KCNMA1: variants seen among roughly 807,000 people sequenced by gnomAD.
KCNMA1 encodes the protein Calcium-activated potassium channel subunit alpha-1.
Under a neutral mutation model 140.0 loss-of-function variants are expected in KCNMA1, and 29 were observed. The observed-to-expected ratio is 0.21, with a 90% CI of 0.15 to 0.28. The LOEUF is 0.28. KCNMA1 is among the 10% of genes least tolerant of loss of function. The probability of loss-of-function intolerance (pLI) is 1.00; values close to 1 mark genes in which losing one functional copy is unlikely to be tolerated. For missense variants in KCNMA1, 880 were observed against 1,602.2 expected (o/e 0.55, Z 7.70); for synonymous variants, 612 against 611.9 (o/e 1.00, Z 0.00).
intron 2 of KCNMA1, among the ~76,000 whole-genome samples, chr10:77,284,576 C>T (rs893215592): frequency 1.3e-5 from 2 of 152,016 alleles, no homozygotes; most frequent in Non-Finnish European, 2.9e-5. Context: ...TGCAGTGGCA[C>T]GATCTCGACT....
intron 1 of KCNMA1, among the ~76,000 whole-genome samples, chr10:77,511,756 T>TC (rs2048496271): frequency 6.6e-6 from 1 of 152,158 alleles, no homozygotes; most frequent in African/African-American, 2.4e-5. Context: ...GACTATACAG[T>TC]CGTCCCTGTC....
In KCNMA1 at chr10:76,891,719, T is replaced by C. The variant is rs2040120292; in HGVS notation, c.3148A>G (p.Thr1050Ala). The C allele has an allele frequency of 6.2e-7, 1 of 1,613,320 alleles. No individual in the cohort carries two copies. The highest frequency in any genetic ancestry group is 8.5e-7 in the Non-Finnish European group (1 of 1,179,722). Residue 1050 changes from threonine to alanine, a missense_variant and splice_region_variant, in exon 26 of 28, where the codon ACG becomes GCG. Thr to Ala is a moderately conservative substitution (Grantham distance 58). Transcript: ENST00000286628. ...VSVLDSLMSA[T>A]YFNDNILTLI... ...GTGAGGATATTGTCATTGAAGTACG[T>C]CTGGGGAAGGAGAGAAAGTGAGGGA...
At chr10:77,077,077 A>G (rs1451211735) in intron 13 of KCNMA1, among the ~76,000 whole-genome samples, 1 of 152,218 alleles carries the variant, frequency 6.6e-6, no homozygotes. Context: ...GAGGAAGAAA[A>G]TGTATTGAAA....
chr10:76,924,998 C>T (rs2057239729), intron 23 of KCNMA1, among the ~76,000 whole-genome samples: 1 of 152,156 alleles, frequency 6.6e-6, no homozygotes, highest in Non-Finnish European at 1.5e-5. Flanking sequence ...CCCCTCTTCC[C>T]TCCCAACCCA....
At chr10:77,127,690 A>G (rs2097771899) in intron 5 of KCNMA1, among the ~76,000 whole-genome samples, 1 of 152,036 alleles carries the variant, frequency 6.6e-6, no homozygotes, top group Non-Finnish European at 1.5e-5. Flanking sequence ...TCCCAATTTG[A>G]GGTCGGGCAT....
chr10:77,597,767 G>T (rs1244538686), intron 1 of KCNMA1, among the ~76,000 whole-genome samples: 1 of 151,996 alleles, frequency 6.6e-6, no homozygotes, highest in African/African-American at 2.4e-5. Context: ...CTTACCCTTG[G>T]CCTCAGTGCT....
intron 17 of KCNMA1, chr10:77,012,450 A>T: frequency 6.5e-7 from 1 of 1,550,028 alleles, no homozygotes; most frequent in Non-Finnish European, 8.7e-7. Context: ...TCAAATATAT[A>T]TTTGAGGGGG....
intron 5 of KCNMA1, among the ~76,000 whole-genome samples, chr10:77,126,203 T>G (rs2097729095): frequency 6.6e-6 from 1 of 152,154 alleles, no homozygotes; most frequent in South Asian, 2.1e-4. Flanking sequence ...AATAGAGTTG[T>G]GAAGAAGAAA....
At chr10:77,215,073 C>G (rs573409190) in intron 3 of KCNMA1, among the ~76,000 whole-genome samples, 9 of 152,224 alleles carry the variant, frequency 5.9e-5, no homozygotes, top group East Asian at 5.8e-4. Context: ...CTGAACATAT[C>G]CAAGATGGAA....
chr10:76,886,784 T>G lies in KCNMA1; in HGVS notation c.*482A>C. 27 of 1,029,394 alleles carry G rather than the reference T, an allele frequency of 2.6e-5. No individual in the cohort carries two copies. Among genetic ancestry groups the G allele is most frequent in the Non-Finnish European group, 3.2e-5 (27 of 855,844 alleles). 63.8% of individuals were successfully genotyped at this position (1,029,394 alleles called of 1,614,324 possible). A position where few individuals can be genotyped will look rare whatever the true frequency, so the allele number is the denominator to read the frequency against. On this transcript the variant is annotated 3_prime_UTR_variant, in exon 28 of 28. Coordinates refer to ENST00000286628, the MANE Select transcript of KCNMA1 (RefSeq NM_001161352.2). ...TATGTTTTCATTGCTGTTTGGTTGC[T>G]TGTTTCAAATAAACATGTGCTAACT...
chr10:77,006,299 A>C (rs540628805), intron 18 of KCNMA1, among the ~76,000 whole-genome samples: 2 of 152,180 alleles, frequency 1.3e-5, no homozygotes, highest in Admixed American at 6.5e-5. Flanking sequence ...AAGAAAAAAA[A>C]CATCTGCCAT....
At chr10:77,143,467 A>G (rs1282357584) in intron 5 of KCNMA1, among the ~76,000 whole-genome samples, 1 of 152,186 alleles carries the variant, frequency 6.6e-6, no homozygotes, top group African/African-American at 2.4e-5. Flanking sequence ...GATTTACAAC[A>G]AAAGCACCAA....
chr10:77,308,755 C>T (rs2078484017), intron 2 of KCNMA1, among the ~76,000 whole-genome samples: 1 of 152,182 alleles, frequency 6.6e-6, no homozygotes. Flanking sequence ...CCTGAGTCTA[C>T]TCTGATGTCT....
intron 2 of KCNMA1, among the ~76,000 whole-genome samples, chr10:77,253,207 C>A (rs957214468): frequency 6.6e-6 from 1 of 152,130 alleles, no homozygotes. Flanking sequence ...AGGGGTGTGG[C>A]CAGAACCCAG....
At chr10:77,397,483 C>T (rs531556546) in intron 2 of KCNMA1, among the ~76,000 whole-genome samples, 12 of 152,286 alleles carry the variant, frequency 7.9e-5, no homozygotes, top group African/African-American at 2.6e-4. Flanking sequence ...GTGTTGGGAA[C>T]ATTCTAATTC....
At chr10:77,262,388 A>G (rs1360669116) in intron 2 of KCNMA1, among the ~76,000 whole-genome samples, 1 of 152,190 alleles carries the variant, frequency 6.6e-6, no homozygotes, top group African/African-American at 2.4e-5. Context: ...AAGTAGAATG[A>G]TGGTTCCTTG....
At chr10:77,549,042 TCA>T (rs2062101988) in intron 1 of KCNMA1, among the ~76,000 whole-genome samples, 1 of 152,216 alleles carries the variant, frequency 6.6e-6, no homozygotes, top group East Asian at 1.9e-4. Context: ...TGGACTAGAC[TCA>T]CACACTGAGC....
intron 1 of KCNMA1, among the ~76,000 whole-genome samples, chr10:77,490,316 T>C (rs1268240510): frequency 6.6e-6 from 1 of 152,192 alleles, no homozygotes. Flanking sequence ...ATGTAAACTT[T>C]TTAAAAATGT....
intron 1 of KCNMA1, among the ~76,000 whole-genome samples, chr10:77,431,083 TGC>T (rs2097142750): frequency 6.6e-6 from 1 of 152,200 alleles, no homozygotes; most frequent in Non-Finnish European, 1.5e-5. Context: ...TCTCTTCACT[TGC>T]GCCAGTTCAG....
Sources: allele counts gnomAD v4.1 joint callset (sites outside exome capture counted in the v4.1 genomes callset), GRCh38; gene constraint gnomAD v4.1.1; transcripts MANE v1.5; gene names NCBI Gene and HGNC (gene_info 2026-07-23, HGNC 2026-07-21).